CHURC1: variants seen among roughly 807,000 people sequenced by gnomAD.
The protein encoded by CHURC1 is protein Churchill.
Under a neutral mutation model 15.4 loss-of-function variants are expected in CHURC1, and 12 were observed. That is an observed-to-expected ratio of 0.78 (90% CI 0.50 to 1.27). The LOEUF is 1.27. Ranked by LOEUF, CHURC1 falls within the 50% of genes most tolerant of loss-of-function variation. The pLI is 0.00. For synonymous variants in CHURC1, 42 were observed against 47.5 expected (o/e 0.88, Z 0.48); for missense variants, 132 against 137.8 (o/e 0.96, Z 0.21).
intron 3 of CHURC1, among the ~76,000 whole-genome samples, chr14:64,927,899 T>A (rs1884833229): frequency 6.6e-6 from 1 of 152,096 alleles, no homozygotes; most frequent in South Asian, 2.1e-4. Context: ...AGTGAGACCC[T>A]GTCTCTACTA....
chr14:64,928,992 C>T (rs1425707619), intron 3 of CHURC1, among the ~76,000 whole-genome samples: 1 of 151,854 alleles, frequency 6.6e-6, no homozygotes, highest in Non-Finnish European at 1.5e-5. Flanking sequence ...GTGCCTACAC[C>T]CCTCATCCCC....
In CHURC1 at chr14:64,933,586, A is replaced by C. The variant is rs1885192208; in HGVS notation, c.*1356A>C. 1.0e-6 allele frequency: 1 copy of C among 979,678 alleles called. No homozygotes were observed. Among genetic ancestry groups the C allele is most frequent in the African/African-American group, 1.8e-5 (1 of 57,080 alleles). 60.7% of individuals were successfully genotyped at this position (979,678 alleles called of 1,614,324 possible). On this transcript the variant is annotated 3_prime_UTR_variant, in exon 4 of 4. Coordinates refer to ENST00000549115, the MANE Select transcript of CHURC1 (RefSeq NM_001386928.1). ...ATACATTCATCACAGTATTGTTAGG[A>C]GATTTAAATGAATTAGTGAATGTAA...
At position 64,934,653 on chromosome 14, in the gene CHURC1, T is replaced by C. The variant is rs1219076133; in HGVS notation, c.*2423T>C. 17 of 985,324 alleles carry C rather than the reference T, an allele frequency of 1.7e-5. No individual in the cohort carries two copies. Among genetic ancestry groups the C allele is most frequent in the African/African-American group, 3.5e-5 (2 of 57,242 alleles). 61.0% of individuals were successfully genotyped at this position (985,324 alleles called of 1,614,324 possible). A position where few individuals can be genotyped will look rare whatever the true frequency, so the allele number is the denominator to read the frequency against. On this transcript the variant is annotated 3_prime_UTR_variant, in exon 4 of 4. Coordinates refer to ENST00000549115, the MANE Select transcript of CHURC1 (RefSeq NM_001386928.1). ...TATCTGACCTGCTGAGGAAATCGTT[T>C]GGTGAAATGAATCCAGAAAGCAGAG...
Position 64,933,252 on chromosome 14 carries a change from G to T in CHURC1, c.*1022G>T, listed in dbSNP as rs1885173161. 1 of 426,614 alleles carries T rather than the reference G, an allele frequency of 2.3e-6. No homozygotes were observed. The allele number at this position is 426,614 out of a possible 1,614,324, so 26.4% of individuals were successfully genotyped here. A position where few individuals can be genotyped will look rare whatever the true frequency, so the allele number is the denominator to read the frequency against. ...AAGAGGAGCCTGAGAAGACATGACTGCTAGATGTAATGTGGTATCCTACAT... is the reference window on the plus strand; with the variant it reads ...AAGAGGAGCCTGAGAAGACATGACTTCTAGATGTAATGTGGTATCCTACAT... On this transcript the variant is annotated 3_prime_UTR_variant, in exon 4 of 4. Coordinates refer to ENST00000549115, the MANE Select transcript of CHURC1 (RefSeq NM_001386928.1).
chr14:64,914,771 C>T (rs1883743192), intron 1 of CHURC1, among the ~76,000 whole-genome samples: 1 of 152,222 alleles, frequency 6.6e-6, no homozygotes, highest in East Asian at 1.9e-4. Context: ...CAAGGAGCAA[C>T]AGAGGAACCC....
At chr14:64,915,573 G>T (rs1883826327) in intron 1 of CHURC1, among the ~76,000 whole-genome samples, 1 of 152,060 alleles carries the variant, frequency 6.6e-6, no homozygotes, top group South Asian at 2.1e-4. Flanking sequence ...TTTGTGCATT[G>T]GTTGGGAAGG....
At chr14:64,914,733 C>T (rs1883739665) in intron 1 of CHURC1, among the ~76,000 whole-genome samples, 199 bp downstream of exon 1, 1 of 152,222 alleles carries the variant, frequency 6.6e-6, no homozygotes, top group African/African-American at 2.4e-5. Context: ...CGGCTGACCT[C>T]AGTTGTAGTG....
At chr14:64,919,581 C>T (rs1401232140) in intron 1 of CHURC1, among the ~76,000 whole-genome samples, 3 of 152,180 alleles carry the variant, frequency 2.0e-5, no homozygotes, top group African/African-American at 7.2e-5. Context: ...TAACCTTCCA[C>T]TTAAGACAAT....
rs556029210 is a variant in CHURC1, at chr14:64,917,589, A to C, written c.39+3055A>C. Among the ~76,000 whole-genome samples the C allele has an allele frequency of 1.3e-3, 195 of 152,210 alleles. 1 individual carries two copies. The highest frequency in any genetic ancestry group is 4.4e-3 in the African/African-American group (181 of 41,512). On this transcript the variant is annotated intron_variant, in intron 1 of 3. Transcript: ENST00000549115. ...AAAACAAATAAACAAACAAAAAAAA[A>C]CCACCACAAATATTAGCCAAGCGTG...
chr14:64,914,486 C>G lies in CHURC1; in HGVS notation c.-10C>G. 6.2e-7 allele frequency: 1 copy of G among 1,614,284 alleles called. No homozygotes were observed. The highest frequency in any genetic ancestry group is 8.5e-7 in the Non-Finnish European group (1 of 1,180,052). On this transcript the variant is annotated 5_prime_UTR_variant, in exon 1 of 4. Coordinates refer to ENST00000549115, the MANE Select transcript of CHURC1 (RefSeq NM_001386928.1). ...AGCGTTGGAGGACATTCCCTGTTGA[C>G]TGCGTCGCGATGTGTGGCGACTGTG...
chr14:64,930,017 C>T (rs376835192), intron 3 of CHURC1, among the ~76,000 whole-genome samples: 3 of 151,728 alleles, frequency 2.0e-5, no homozygotes, highest in South Asian at 4.2e-4. Flanking sequence ...CTTTCTATTC[C>T]TCTGTGGGCC....
chr14:64,915,267 G>A (rs1015434476), intron 1 of CHURC1, among the ~76,000 whole-genome samples: 2 of 152,212 alleles, frequency 1.3e-5, no homozygotes, highest in Admixed American at 6.5e-5. Context: ...GAAAGTGCTG[G>A]GATTACTGGC....
At position 64,925,986 on chromosome 14, in the gene CHURC1, G is replaced by T. The variant is rs762473697; in HGVS notation, c.176-24G>T. The T allele has an allele frequency of 2.7e-5, 42 of 1,543,082 alleles. No individual in the cohort carries two copies. The South Asian group carries it at 4.8e-4, about 18-fold the overall frequency. On this transcript the variant is annotated intron_variant, in intron 2 of 3. Transcript: ENST00000549115. The stretch of plus-strand genomic sequence containing the variant: ...AAGAAACTCTCTAAGACTTAATTAC[G>T]TAAGTCTCTCTTTGTTTTAGCAGAT...
chr14:64,923,129 G>A (rs1202066624), intron 1 of CHURC1, among the ~76,000 whole-genome samples: 6 of 151,964 alleles, frequency 3.9e-5, no homozygotes, highest in Non-Finnish European at 8.8e-5. Context: ...TTAATTATTA[G>A]CCTTTAGCAA....
Position 64,934,955 on chromosome 14 carries a change from G to T in CHURC1, c.*2725G>T. The T allele has an allele frequency of 1.0e-6, 1 of 984,484 alleles. No individual in the cohort carries two copies. Among genetic ancestry groups the T allele is most frequent in the South Asian group, 4.7e-5 (1 of 21,262 alleles). 61.0% of individuals were successfully genotyped at this position (984,484 alleles called of 1,614,324 possible). A position where few individuals can be genotyped will look rare whatever the true frequency, so the allele number is the denominator to read the frequency against. On this transcript the variant is annotated 3_prime_UTR_variant, in exon 4 of 4. Coordinates refer to ENST00000549115, the MANE Select transcript of CHURC1 (RefSeq NM_001386928.1). Reference sequence around the variant, plus strand: ...TTTTGTGATATTTTATCATTTTCTAGATTCTTATGTGGATCTAATAACGAC... The same window carrying T: ...TTTTGTGATATTTTATCATTTTCTATATTCTTATGTGGATCTAATAACGAC...
intron 1 of CHURC1, among the ~76,000 whole-genome samples, chr14:64,917,172 C>G (rs1883948726): frequency 6.6e-6 from 1 of 152,204 alleles, no homozygotes. Context: ...GTTCTCACAC[C>G]TGTAATCCCA....
chr14:64,930,880 AT>A lies in CHURC1; in HGVS notation c.247-1253del, dbSNP rs1040293359. On this transcript the variant is annotated intron_variant, in intron 3 of 3. Coordinates refer to ENST00000549115, the MANE Select transcript of CHURC1 (RefSeq NM_001386928.1). ...CAGTAAAAGACCTTGAAGAGGATGT[AT>A]TTTTATTTTATTTTTAATTCATAAA... 5 of 453,332 alleles carry A rather than the reference AT, an allele frequency of 1.1e-5. No homozygotes were observed. The Admixed American group carries it at 1.2e-4, about 11-fold the overall frequency. The allele number at this position is 453,332 out of a possible 1,614,324, so 28.1% of individuals were successfully genotyped here.
intron 1 of CHURC1, 117 bp from the exon 2 acceptor site, chr14:64,923,874 G>T: frequency 7.0e-5 from 63 of 899,172 alleles, no homozygotes; most frequent in East Asian, 3.9e-4. Context: ...TGACCTAGAA[G>T]TAAATGCTGG....
intron 1 of CHURC1, among the ~76,000 whole-genome samples, chr14:64,918,296 G>C (rs923253844): frequency 1.3e-5 from 2 of 152,164 alleles, no homozygotes; most frequent in Non-Finnish European, 2.9e-5. Context: ...GATGTTACGG[G>C]TCTTAGACTT....
Sources: gnomAD v4.1 joint callset for allele counts (sites outside exome capture counted in the v4.1 genomes callset) on GRCh38, gnomAD v4.1.1 for gene constraint, MANE v1.5 for transcripts, NCBI Gene and HGNC (gene_info 2026-07-23, HGNC 2026-07-21) for gene names.